PAWR: variants seen among roughly 807,000 people sequenced by gnomAD.
The protein encoded by PAWR is pro-apoptotic WT1 regulator.
PAWR carries 23 observed loss-of-function variants against 32.0 expected under a neutral mutation model. That is an observed-to-expected ratio of 0.72 (90% confidence interval 0.52 to 1.02). The LOEUF is 1.02. Among genes scored for constraint, PAWR ranks in the 50% least tolerant of loss-of-function variants. The probability of loss-of-function intolerance (pLI) is 0.00; values close to 1 mark genes in which losing one functional copy is unlikely to be tolerated. For synonymous variants in PAWR, 226 were observed against 187.1 expected (o/e 1.21, Z -1.70); for missense variants, 457 against 437.7 (o/e 1.04, Z -0.39).
chr12:79,603,039 C>A (rs577983038), intron 4 of PAWR, among the ~76,000 whole-genome samples: 368 of 151,888 alleles, frequency 2.4e-3, no homozygotes, highest in Non-Finnish European at 4.2e-3. Flanking sequence ...TCCAGGAGTT[C>A]AAGACCAGTC....
chr12:79,597,345 G>A (rs1873802347), intron 4 of PAWR, among the ~76,000 whole-genome samples: 1 of 152,178 alleles, frequency 6.6e-6, no homozygotes, highest in South Asian at 2.1e-4. Flanking sequence ...GATTACAGAT[G>A]TGAGCATTGT....
At chr12:79,644,999 A>G (rs1343031671) in intron 2 of PAWR, among the ~76,000 whole-genome samples, 1 of 150,892 alleles carries the variant, frequency 6.6e-6, no homozygotes, top group African/African-American at 2.5e-5. Context: ...GAGTCTCTGT[A>G]ATGTAAAAAA....
chr12:79,629,498 G>A (rs1023972352), intron 2 of PAWR, among the ~76,000 whole-genome samples: 2 of 151,664 alleles, frequency 1.3e-5, no homozygotes, highest in Non-Finnish European at 2.9e-5. Context: ...AAAAAGAACT[G>A]AAAATAAAAA....
chr12:79,653,584 A>G (rs900434210), intron 2 of PAWR, among the ~76,000 whole-genome samples: 1 of 152,148 alleles, frequency 6.6e-6, no homozygotes, highest in African/African-American at 2.4e-5. Context: ...GGTTCAAGCG[A>G]TTCTCCTGCC....
chr12:79,606,375 G>A (rs1211822479), intron 4 of PAWR, among the ~76,000 whole-genome samples: 1 of 152,162 alleles, frequency 6.6e-6, no homozygotes, highest in Non-Finnish European at 1.5e-5. Flanking sequence ...ACAGGGAACA[G>A]TAAGATCAGT....
chr12:79,685,672 A>G (rs1446573511), intron 2 of PAWR, among the ~76,000 whole-genome samples: 1 of 152,140 alleles, frequency 6.6e-6, no homozygotes, highest in Non-Finnish European at 1.5e-5. Context: ...AAATTTTGCC[A>G]CTCTATAGGT....
intron 2 of PAWR, among the ~76,000 whole-genome samples, chr12:79,661,181 G>A (rs374925471): frequency 9.3e-5 from 14 of 150,776 alleles, no homozygotes; most frequent in East Asian, 7.9e-4. Flanking sequence ...CCCGGGAGGC[G>A]GAGGTTGCAG....
chr12:79,652,742 T>C lies in PAWR; in HGVS notation c.517-31535A>G, dbSNP rs1181788065. Among the ~76,000 whole-genome samples the C allele has an allele frequency of 2.0e-5, 3 of 152,222 alleles. No homozygotes were observed. In the East Asian group the frequency reaches 5.8e-4, roughly 29 times the overall value. The stretch of plus-strand genomic sequence containing the variant: ...CATTCCTGGGAGGATTTAAATTAAT[T>C]TGTGAGGGAGTGAAACCTGGCTTAT... On this transcript the variant is annotated intron_variant, in intron 2 of 6. Coordinates refer to ENST00000328827, the MANE Select transcript of PAWR (RefSeq NM_002583.4).
chr12:79,602,335 C>T (rs1039340144), intron 4 of PAWR, among the ~76,000 whole-genome samples: 2 of 152,134 alleles, frequency 1.3e-5, no homozygotes, highest in African/African-American at 4.8e-5. Context: ...CTTTGGAGAC[C>T]ACTGATTCAG....
chr12:79,632,328 TATATATATATATATATATATA>T (rs1875705215), intron 2 of PAWR, among the ~76,000 whole-genome samples: 1 of 34,266 alleles, frequency 2.9e-5, no homozygotes, highest in African/African-American at 3.9e-4. Context: ...TATATATATA[TATATATATATATATATATATA>T]TATATATATA....
chr12:79,644,414 C>T (rs1233704516), intron 2 of PAWR, among the ~76,000 whole-genome samples: 1 of 152,122 alleles, frequency 6.6e-6, no homozygotes, highest in East Asian at 1.9e-4. Context: ...TATTCATTTA[C>T]ATACCTCTCT....
At chr12:79,651,979 A>AG (rs1876871121) in intron 2 of PAWR, among the ~76,000 whole-genome samples, 2 of 152,334 alleles carry the variant, frequency 1.3e-5, no homozygotes, top group South Asian at 4.1e-4. Context: ...ATTATGCTAG[A>AG]GGAAATAAGC....
chr12:79,685,394 AG>A (rs1366549439), intron 2 of PAWR, among the ~76,000 whole-genome samples: 3 of 152,220 alleles, frequency 2.0e-5, no homozygotes, highest in Admixed American at 6.5e-5. Context: ...GGATTTATAA[AG>A]TTTACTAAGT....
intron 2 of PAWR, among the ~76,000 whole-genome samples, chr12:79,682,894 A>C (rs576845080): frequency 4.6e-5 from 7 of 152,384 alleles, no homozygotes; most frequent in Non-Finnish European, 1.0e-4. Flanking sequence ...TTTGCACTTG[A>C]TAGTAGTTTG....
At position 79,668,558 on chromosome 12, in the gene PAWR, C is replaced by T. The variant is rs185793958; in HGVS notation, c.516+21171G>A. The T allele has an allele frequency of 2.6e-4, 40 of 152,336 alleles. No individual in the cohort carries two copies. In the Middle Eastern group the frequency reaches 0.01, roughly 39 times the overall value. 9.4% of individuals were successfully genotyped at this position (152,336 alleles called of 1,614,324 possible). A position where few individuals can be genotyped will look rare whatever the true frequency, so the allele number is the denominator to read the frequency against. On this transcript the variant is annotated intron_variant, in intron 2 of 6. Transcript: ENST00000328827. ...TGGGGAGGATGGTTTCTGGATGAAA[C>T]TGTTCCACCTCAGATCATCAGACAT...
chr12:79,690,199 TG>T lies in PAWR; in HGVS notation c.45del (p.Ser15ArgfsTer75). 6.5e-7 allele frequency: 1 copy of T among 1,531,608 alleles called. No homozygotes were observed. The highest frequency in any genetic ancestry group is 8.7e-7 in the Non-Finnish European group (1 of 1,143,248). 94.9% of individuals were successfully genotyped at this position (1,531,608 alleles called of 1,614,324 possible). ...GYRTSSGLGG[S>X]TTDFLEEWKA... ...TTCCACTCCTCCAGGAAGTCTGTGG[TG>T]CTGCCGCCGAGGCCGCTGCTGGTCC... On this transcript the variant is annotated frameshift_variant, in exon 2 of 7. Coordinates refer to ENST00000328827, the MANE Select transcript of PAWR (RefSeq NM_002583.4). LOFTEE classifies it high-confidence loss of function.
chr12:79,641,840 C>A, intron 2 of PAWR, among the ~76,000 whole-genome samples: 2 of 93,370 alleles, frequency 2.1e-5, no homozygotes, highest in East Asian at 5.8e-4. Context: ...AGCGAGACTC[C>A]GTCTCAAAAA....
At chr12:79,646,124 T>C (rs1487810601) in intron 2 of PAWR, among the ~76,000 whole-genome samples, 2 of 152,076 alleles carry the variant, frequency 1.3e-5, no homozygotes, top group African/African-American at 2.4e-5. Flanking sequence ...GCATCCCTAA[T>C]CCAAAAATCC....
intron 6 of PAWR, among the ~76,000 whole-genome samples, chr12:79,593,604 G>A (rs1199639013): frequency 1.3e-5 from 2 of 150,930 alleles, no homozygotes; most frequent in African/African-American, 4.9e-5. Context: ...AGGTTGCAGT[G>A]AGCTGAGATC....
Sources: allele counts gnomAD v4.1 joint callset (sites outside exome capture counted in the v4.1 genomes callset), GRCh38; gene constraint gnomAD v4.1.1; transcripts MANE v1.5; gene names NCBI Gene and HGNC (gene_info 2026-07-23, HGNC 2026-07-21).